The following POLR2E variants were observed in gnomAD, a reference collection of about 807,000 sequenced individuals.
The protein encoded by POLR2E is RNA polymerase II, I and III subunit E.
Under a neutral mutation model 29.8 loss-of-function variants are expected in POLR2E, and 35 were observed. The ratio of observed to expected loss-of-function variants is 1.17; its 90% CI spans 0.90 to 1.55. The LOEUF is 1.55. Among genes scored for constraint, POLR2E ranks in the 40% most tolerant of loss-of-function variants. The pLI, the probability that POLR2E is intolerant of heterozygous loss-of-function variation, is 0.00. For missense variants in POLR2E, 287 were observed against 288.6 expected, an observed-to-expected ratio of 0.99 and a Z score of 0.04; for synonymous variants, 174 against 112.6, an observed-to-expected ratio of 1.55 and a Z score of -3.45.
chr19:1,093,970 T>A lies in POLR2E; in HGVS notation c.166A>T (p.Thr56Ser). ...DKPSEGRPRR[T>S]DLTVLVAHND... ...TGGGCCACCAGCACGGTGAGGTCCG[T>A]GCGCCGCGGCCGCCCCTCACTCGGC... is the stretch of plus-strand genomic sequence containing the variant. Residue 56 changes from threonine (T) to serine (S), a missense_variant, in exon 2 of 8, where the codon ACG becomes TCG. Physicochemically the swap from Thr to Ser is moderately conservative, Grantham distance 58. Transcript: ENST00000615234. 6.2e-7 allele frequency: 1 copy of A among 1,613,724 alleles called. No homozygotes were observed. The highest frequency in any genetic ancestry group is 8.5e-7 in the Non-Finnish European group (1 of 1,179,912).
intron 4 of POLR2E, 152 bp from the exon 5 acceptor site, chr19:1,090,297 C>A: frequency 1.4e-6 from 1 of 699,496 alleles, no homozygotes; most frequent in Admixed American, 2.1e-5. Flanking sequence ...CCACCCCACC[C>A]TGGCTCCACA....
At chr19:1,090,651 C>T (rs947189740) in intron 4 of POLR2E, among the ~76,000 whole-genome samples, 2 of 151,848 alleles carry the variant, frequency 1.3e-5, no homozygotes, top group African/African-American at 2.4e-5. Flanking sequence ...AACTCCTGAC[C>T]TCGTGATCCG....
At chr19:1,095,031 C>T (rs2074444) in intron 1 of POLR2E, 93,495 of 496,906 alleles carry the variant, frequency 0.19, 11,831 homozygotes, top group South Asian at 0.28. Context: ...CGCCCACCCA[C>T]CCCTAAGCAC....
At chr19:1,090,799 C>T (rs1456800986) in intron 4 of POLR2E, 109 bp downstream of exon 4, 10 of 927,796 alleles carry the variant, frequency 1.1e-5, no homozygotes, top group African/African-American at 4.9e-5. Context: ...CCTCCATGCA[C>T]TAATAGGAAC....
chr19:1,091,133 G>C, intron 3 of POLR2E, 145 bp from the exon 4 acceptor site: 2 of 640,158 alleles, frequency 3.1e-6, no homozygotes, highest in Non-Finnish European at 5.4e-6. Flanking sequence ...GCCAGCCCAG[G>C]AGCCTTCAAC....
chr19:1,092,589 G>A (rs540609773), intron 2 of POLR2E, among the ~76,000 whole-genome samples: 1 of 152,220 alleles, frequency 6.6e-6, no homozygotes, highest in South Asian at 2.1e-4. Flanking sequence ...TCGGGAGGCT[G>A]AGGCAGGAGA....
chr19:1,092,124 G>A (rs2043846205), intron 2 of POLR2E, among the ~76,000 whole-genome samples: 1 of 152,184 alleles, frequency 6.6e-6, no homozygotes, highest in Non-Finnish European at 1.5e-5. Flanking sequence ...GACAGGGACA[G>A]GGGGCTGACA....
chr19:1,090,969 G>A lies in POLR2E; in HGVS notation c.368C>T (p.Pro123Leu). ...CAGAAACTGCTCCAGGATGTACTTGGGGGCCATGTCGACCAGGGACTGGAA... is the reference window on the plus strand; with the variant it reads ...CAGAAACTGCTCCAGGATGTACTTGAGGGCCATGTCGACCAGGGACTGGAA... ...SAKQSLVDMA[P>L]KYILEQFLQQ... Residue 123 changes from proline (P) to leucine (L), a missense_variant, in exon 4 of 8, where the codon CCC becomes CTC. Pro to Leu is a moderately conservative substitution (Grantham distance 98). Coordinates refer to ENST00000615234, the MANE Select transcript of POLR2E (RefSeq NM_002695.5). The A allele has an allele frequency of 6.2e-7, 1 of 1,613,696 alleles. No homozygotes were observed. The highest frequency in any genetic ancestry group is 8.5e-7 in the Non-Finnish European group (1 of 1,179,970).
chr19:1,092,937 G>A (rs1443948904), intron 2 of POLR2E, among the ~76,000 whole-genome samples: 1 of 147,848 alleles, frequency 6.8e-6, no homozygotes, highest in Non-Finnish European at 1.5e-5. Context: ...TGTAATCCCA[G>A]CACTTTGGGA....
intron 2 of POLR2E, 74 bp downstream of exon 2, chr19:1,093,830 T>TG (rs1277476591): frequency 8.2e-6 from 12 of 1,462,766 alleles, no homozygotes; most frequent in Non-Finnish European, 1.1e-5. Context: ...CGAGTGGGGG[T>TG]GGGTGCTAGC....
intron 6 of POLR2E, 53 bp from the exon 7 acceptor site, chr19:1,089,604 C>A: frequency 6.8e-7 from 1 of 1,467,656 alleles, no homozygotes; most frequent in South Asian, 1.1e-5. Context: ...TCACTGCAGT[C>A]ACCAGACAGC....
In POLR2E at chr19:1,095,329, G is replaced by A. The variant is rs753270880; in HGVS notation, c.-14C>T. 1.2e-6 allele frequency: 2 copies of A among 1,611,970 alleles called. No individual in the cohort carries two copies. Among genetic ancestry groups the A allele is most frequent in the Non-Finnish European group, 8.5e-7 (1 of 1,179,392 alleles). Reference sequence around the variant, plus strand: ...CTCGTCGTCCATGGCAGCCTCCGCCGCCGCCGCCGCTCGCACCCCTTCTCC... The same window carrying A: ...CTCGTCGTCCATGGCAGCCTCCGCCACCGCCGCCGCTCGCACCCCTTCTCC... On this transcript the variant is annotated 5_prime_UTR_variant, in exon 1 of 8. Transcript: ENST00000615234.
At chr19:1,089,007 G>A (rs879541198) in intron 7 of POLR2E, among the ~76,000 whole-genome samples, 3 of 152,194 alleles carry the variant, frequency 2.0e-5, no homozygotes, top group Non-Finnish European at 2.9e-5. Flanking sequence ...CAGAGTCCAG[G>A]GGAAGCTGGG....
In POLR2E at chr19:1,091,806, G is replaced by A. The variant is rs1028649314; in HGVS notation, c.334C>T (p.Pro112Ser). ...ALIVVQQGMT[P>S]SAKQSLVDMA... ...GGGGTGCCCACCTGCTTGGCGGAGG[G>A]TGTCATGCCCTGCTGCACCACGATG... Residue 112 changes from proline to serine, a missense_variant, in exon 3 of 8, where the codon CCC becomes TCC. Coordinates refer to ENST00000615234, the MANE Select transcript of POLR2E (RefSeq NM_002695.5). The A allele has an allele frequency of 1.2e-5, 20 of 1,608,290 alleles. No individual in the cohort carries two copies. Among genetic ancestry groups the A allele is most frequent in the Non-Finnish European group, 1.7e-5 (20 of 1,177,516 alleles).
At chr19:1,092,437 C>CTT (rs2043854518) in intron 2 of POLR2E, 1 of 152,880 alleles carries the variant, frequency 6.5e-6, no homozygotes, top group Admixed American at 6.5e-5. Flanking sequence ...CGCGGTGGCT[C>CTT]GCACCTGTAA....
At position 1,091,658 on chromosome 19, in the gene POLR2E, T is replaced by A. The variant is rs577845670; in HGVS notation, c.348+134A>T. The A allele has an allele frequency of 5.7e-3, 3,713 of 649,464 alleles. 11 individuals are homozygous for A. Among genetic ancestry groups the A allele is most frequent in the Non-Finnish European group, 7.8e-3 (2,804 of 361,698 alleles). 40.2% of individuals were successfully genotyped at this position (649,464 alleles called of 1,614,324 possible). On this transcript the variant is annotated intron_variant, in intron 3 of 7. Coordinates refer to ENST00000615234, the MANE Select transcript of POLR2E (RefSeq NM_002695.5). ...GGAGGCGGTCGGGGCTTGCCGGACATCCCGGCCACATCCTCCAGGGCACCC... is the reference window on the plus strand; with the variant it reads ...GGAGGCGGTCGGGGCTTGCCGGACAACCCGGCCACATCCTCCAGGGCACCC...
At chr19:1,093,246 G>C (rs2145146240) in intron 2 of POLR2E, among the ~76,000 whole-genome samples, 1 of 152,322 alleles carries the variant, frequency 6.6e-6, no homozygotes, top group South Asian at 2.1e-4. Flanking sequence ...CCGGTTGGCA[G>C]ACGTGCTCCG....
rs887106430 is a variant in POLR2E, at chr19:1,088,694, G to A, written c.*41C>T. 1 of 151,896 alleles carries A rather than the reference G, an allele frequency of 6.6e-6. No homozygotes were observed. The highest frequency in any genetic ancestry group is 2.4e-5 in the African/African-American group (1 of 41,384). 9.4% of individuals were successfully genotyped at this position (151,896 alleles called of 1,614,324 possible). On this transcript the variant is annotated 3_prime_UTR_variant, in exon 8 of 8. Transcript: ENST00000615234. ...AGGGGCGTTTGTCCTGCAGGGATGG[G>A]GGTCGCTGTGTGTCCGCCTCTAGGG...
chr19:1,091,079 G>A, intron 3 of POLR2E, 91 bp from the exon 4 acceptor site: 1 of 1,112,622 alleles, frequency 9.0e-7, no homozygotes, highest in Non-Finnish European at 1.3e-6. Flanking sequence ...GCTTACTCGT[G>A]TGCCCCAACA....
Sources: allele counts gnomAD v4.1 joint callset (sites outside exome capture counted in the v4.1 genomes callset), GRCh38; gene constraint gnomAD v4.1.1; transcripts MANE v1.5; gene names NCBI Gene and HGNC (gene_info 2026-07-23, HGNC 2026-07-21).